Variants in PRKN observed in about 807,000 individuals in gnomAD.
The protein encoded by PRKN is parkin RBR E3 ubiquitin protein ligase.
PRKN carries 56 observed loss-of-function variants against 59.5 expected under a neutral mutation model. The ratio of observed to expected loss-of-function variants is 0.94; its 90% CI spans 0.76 to 1.18. The LOEUF (loss-of-function observed/expected upper bound fraction) is 1.18, where lower values mean the gene tolerates loss of function less well. PRKN is among the 50% of genes most tolerant of loss of function. PRKN has a pLI of 0.00. For synonymous variants in PRKN, 250 were observed against 222.1 expected (o/e 1.13, Z -1.12); for missense variants, 657 against 596.4 (o/e 1.10, Z -1.06).
intron 2 of PRKN, among the ~76,000 whole-genome samples, chr6:162,292,582 A>G (rs531151890): frequency 2.0e-5 from 3 of 152,224 alleles, no homozygotes; most frequent in Admixed American, 6.5e-5. Flanking sequence ...TACTCCATGG[A>G]AGCTTCGAAG....
chr6:161,916,031 GA>G (rs368972817), intron 6 of PRKN, among the ~76,000 whole-genome samples: 7 of 151,424 alleles, frequency 4.6e-5, no homozygotes, highest in South Asian at 2.1e-4. Flanking sequence ...TGAATTTACT[GA>G]AAAAAAAGCA....
intron 6 of PRKN, among the ~76,000 whole-genome samples, chr6:161,833,725 A>G (rs1481802426): frequency 6.6e-6 from 1 of 152,100 alleles, no homozygotes; most frequent in Non-Finnish European, 1.5e-5. Flanking sequence ...CACTGTATGG[A>G]TAAGTAAGTT....
At chr6:161,608,144 G>C (rs1029173011) in intron 7 of PRKN, among the ~76,000 whole-genome samples, 1 of 151,976 alleles carries the variant, frequency 6.6e-6, no homozygotes, top group Non-Finnish European at 1.5e-5. Flanking sequence ...AGGAGGAGTG[G>C]GACCTCAGAA....
At chr6:161,522,141 C>T (rs562041237) in intron 9 of PRKN, among the ~76,000 whole-genome samples, 13 of 152,070 alleles carry the variant, frequency 8.5e-5, no homozygotes, top group Middle Eastern at 3.4e-3. Flanking sequence ...GATATTTAAC[C>T]GAATGCTGCC....
chr6:162,461,525 A>G (rs866997905), intron 1 of PRKN, among the ~76,000 whole-genome samples: 33 of 147,514 alleles, frequency 2.2e-4, no homozygotes, highest in African/African-American at 3.2e-4. Flanking sequence ...AAAAAAAAAA[A>G]AAAGAAAGAA....
intron 4 of PRKN, among the ~76,000 whole-genome samples, chr6:162,162,143 T>G (rs527451918): frequency 7.9e-5 from 12 of 152,068 alleles, no homozygotes; most frequent in Non-Finnish European, 1.8e-4. Flanking sequence ...AGTGCAGTGG[T>G]GCAATGTTAG....
At chr6:162,111,703 A>AT (rs988254686) in intron 4 of PRKN, among the ~76,000 whole-genome samples, 2 of 144,696 alleles carry the variant, frequency 1.4e-5, no homozygotes, top group African/African-American at 5.5e-5. Flanking sequence ...CAGTCTCACA[A>AT]TTAAAAAAAA....
chr6:162,450,134 C>A (rs146849850), intron 1 of PRKN, among the ~76,000 whole-genome samples: 6 of 152,250 alleles, frequency 3.9e-5, no homozygotes, highest in African/African-American at 1.4e-4. Context: ...CTATCCACGT[C>A]TCTGGCTAAC....
At chr6:162,140,942 C>T (rs1260677026) in intron 4 of PRKN, among the ~76,000 whole-genome samples, 1 of 152,064 alleles carries the variant, frequency 6.6e-6, no homozygotes, top group Non-Finnish European at 1.5e-5. Flanking sequence ...TCCTGGCTAA[C>T]ACGGTGAAAC....
chr6:162,446,098 G>A (rs988991872), intron 1 of PRKN, among the ~76,000 whole-genome samples: 11 of 152,212 alleles, frequency 7.2e-5, no homozygotes, highest in Admixed American at 3.9e-4. Flanking sequence ...TTCATTTGAC[G>A]CCTTTGAAAA....
rs1784753738 is a variant in PRKN, at chr6:161,356,422, C to T, written c.1285+3666G>A. The stretch of plus-strand genomic sequence containing the variant: ...GTGTGGTTGCAATGTCAGTGGGGAC[C>T]CCCGGGGGGAAGGGCAGGACTGACA... On this transcript the variant is annotated intron_variant, in intron 11 of 11. Coordinates refer to ENST00000366898, the MANE Select transcript of PRKN (RefSeq NM_004562.3). This position sits in a 1 kb window ranked among gnomAD's most constrained non-coding sequence, Gnocchi z 7.8. Among the ~76,000 whole-genome samples, 1 of 152,142 alleles carries T rather than the reference C, an allele frequency of 6.6e-6. No homozygotes were observed. Among genetic ancestry groups the T allele is most frequent in the Non-Finnish European group, 1.5e-5 (1 of 68,026 alleles).
chr6:161,934,370 C>T (rs775294561), intron 6 of PRKN, among the ~76,000 whole-genome samples: 9 of 152,146 alleles, frequency 5.9e-5, no homozygotes, highest in Non-Finnish European at 1.2e-4. Context: ...TGGATTAATA[C>T]AAATGCCTAC....
At chr6:162,207,428 C>T (rs1272997165) in intron 3 of PRKN, among the ~76,000 whole-genome samples, 1 of 152,088 alleles carries the variant, frequency 6.6e-6, no homozygotes, top group Admixed American at 6.6e-5. Context: ...ATGCAGGTTA[C>T]TGGGGGAAAA....
At chr6:162,662,426 T>C (rs1201579903) in intron 1 of PRKN, among the ~76,000 whole-genome samples, 1 of 152,174 alleles carries the variant, frequency 6.6e-6, no homozygotes, top group Non-Finnish European at 1.5e-5. Flanking sequence ...TTTAGTTTAA[T>C]TAAGTTCCAT....
intron 2 of PRKN, among the ~76,000 whole-genome samples, chr6:162,407,981 T>C (rs1029387697): frequency 6.6e-6 from 1 of 152,142 alleles, no homozygotes; most frequent in Non-Finnish European, 1.5e-5. Context: ...CTAATATTTT[T>C]ATCAAGTTAA....
At chr6:161,599,659 T>C (rs999627143) in intron 7 of PRKN, among the ~76,000 whole-genome samples, 1 of 152,214 alleles carries the variant, frequency 6.6e-6, no homozygotes, top group African/African-American at 2.4e-5. Flanking sequence ...AACCAAAGCC[T>C]GGCTTACAGC....
At chr6:161,898,787 C>A (rs1434094893) in intron 6 of PRKN, among the ~76,000 whole-genome samples, 1 of 152,176 alleles carries the variant, frequency 6.6e-6, no homozygotes, top group East Asian at 1.9e-4. Context: ...CCCTAGGCTG[C>A]AACAGCTTTA....
chr6:161,370,006 T>C (rs1391840004), intron 10 of PRKN: 8 of 444,510 alleles, frequency 1.8e-5, no homozygotes, highest in Non-Finnish European at 3.7e-5. Flanking sequence ...GTGTTTTCTA[T>C]GATCACCACC....
chr6:162,317,040 CG>C (rs1782781011), intron 2 of PRKN, among the ~76,000 whole-genome samples: 1 of 151,592 alleles, frequency 6.6e-6, no homozygotes, highest in South Asian at 2.1e-4. Context: ...ATCTACTCAA[CG>C]GGGAGAGTAG....
Sources: allele counts gnomAD v4.1 joint callset (sites outside exome capture counted in the v4.1 genomes callset), GRCh38; gene constraint gnomAD v4.1.1; non-coding constraint Gnocchi (gnomAD v3.1); transcripts MANE v1.5; gene names NCBI Gene and HGNC (gene_info 2026-07-23, HGNC 2026-07-21).